The following DLEU7 variants were observed in gnomAD, a reference collection of about 807,000 sequenced individuals.
DLEU7 encodes leukemia-associated protein 7.
In DLEU7, 17 loss-of-function variants were observed where a neutral mutation model predicts 16.0. The ratio of observed to expected loss-of-function variants is 1.06; its 90% CI spans 0.73 to 1.59. The LOEUF (loss-of-function observed/expected upper bound fraction) is 1.59, where lower values mean the gene tolerates loss of function less well. Among genes scored for constraint, DLEU7 ranks in the 40% most tolerant of loss-of-function variants. The probability of loss-of-function intolerance (pLI) is 0.00; values close to 1 mark genes in which losing one functional copy is unlikely to be tolerated. For missense variants in DLEU7, 308 were observed against 314.9 expected (o/e 0.98, Z 0.17); for synonymous variants, 113 against 139.8 (o/e 0.81, Z 1.35).
At chr13:50,800,029 G>A (rs1458808525) in intron 1 of DLEU7, among the ~76,000 whole-genome samples, 5 of 152,164 alleles carry the variant, frequency 3.3e-5, no homozygotes, top group Non-Finnish European at 5.9e-5. Context: ...ATTGGCAAGG[G>A]GCATTGAAGG....
At chr13:50,768,867 T>C (rs1188363338) in intron 1 of DLEU7, among the ~76,000 whole-genome samples, 1 of 152,198 alleles carries the variant, frequency 6.6e-6, no homozygotes, top group Non-Finnish European at 1.5e-5. Context: ...CACACCATCT[T>C]CCACAATGGC....
chr13:50,798,918 T>A (rs1876173506), intron 1 of DLEU7, among the ~76,000 whole-genome samples: 1 of 152,186 alleles, frequency 6.6e-6, no homozygotes, highest in African/African-American at 2.4e-5. Flanking sequence ...AGAAAAGGCA[T>A]GCCACTGTCC....
intron 1 of DLEU7, among the ~76,000 whole-genome samples, chr13:50,816,392 T>C (rs1876735454): frequency 6.6e-6 from 1 of 152,084 alleles, no homozygotes; most frequent in South Asian, 2.1e-4. Context: ...GTCTAACAAG[T>C]ATCATGTAAA....
rs1412652442 is a variant in DLEU7 at position 50,726,435 on chromosome 13, C to T, written c.460-13195G>A. Among the ~76,000 whole-genome samples the T allele has an allele frequency of 6.6e-6, 1 of 152,210 alleles. No individual in the cohort carries two copies. Among genetic ancestry groups the T allele is most frequent in the Non-Finnish European group, 1.5e-5 (1 of 68,034 alleles). ...TCCCGCCTCCTCCTTTCACGGAACA[C>T]AGGCTTCCATTTAACCAGAAATACA... On this transcript the variant is annotated intron_variant, in intron 1 of 1. Transcript: ENST00000400393. This position sits in a 1 kb window ranked among gnomAD's most constrained non-coding sequence, Gnocchi z 4.0.
chr13:50,746,627 T>C (rs922509983), intron 1 of DLEU7, among the ~76,000 whole-genome samples: 3 of 152,222 alleles, frequency 2.0e-5, no homozygotes, highest in Non-Finnish European at 4.4e-5. Context: ...CTGCTTTCAT[T>C]GGTGCAATTG....
chr13:50,830,879 A>C (rs1389437170), intron 1 of DLEU7, among the ~76,000 whole-genome samples: 2 of 152,164 alleles, frequency 1.3e-5, no homozygotes, highest in African/African-American at 4.8e-5. Context: ...TGGACTTGCC[A>C]TCTGAATGCT....
chr13:50,808,129 T>C (rs1876448024), intron 1 of DLEU7: 1 of 152,218 alleles, frequency 6.6e-6, no homozygotes, highest in Non-Finnish European at 1.5e-5. Flanking sequence ...GTCCCAGTTC[T>C]TATATGTGCA....
intron 1 of DLEU7, among the ~76,000 whole-genome samples, chr13:50,834,862 A>C (rs550426241): frequency 6.6e-6 from 1 of 152,210 alleles, no homozygotes. Flanking sequence ...CTATGCAGCC[A>C]TAAAAAAGGA....
intron 1 of DLEU7, among the ~76,000 whole-genome samples, chr13:50,721,478 A>G (rs1299359412): frequency 6.6e-6 from 1 of 152,218 alleles, no homozygotes; most frequent in African/African-American, 2.4e-5. Flanking sequence ...AGCATTAAAA[A>G]AAAATGCAAG....
intron 1 of DLEU7, among the ~76,000 whole-genome samples, chr13:50,793,601 GTGA>G (rs1876029443): frequency 6.6e-6 from 1 of 152,228 alleles, no homozygotes; most frequent in South Asian, 2.1e-4. Context: ...CTGATGATTA[GTGA>G]TGATGACCAT....
intron 1 of DLEU7, among the ~76,000 whole-genome samples, chr13:50,834,631 T>A (rs1013439852): frequency 6.6e-6 from 1 of 152,174 alleles, no homozygotes; most frequent in Non-Finnish European, 1.5e-5. Flanking sequence ...GAAGACAGTG[T>A]GGTGATTCCT....
chr13:50,816,962 A>G (rs1445161978), intron 1 of DLEU7, among the ~76,000 whole-genome samples: 1 of 152,084 alleles, frequency 6.6e-6, no homozygotes, highest in Admixed American at 6.6e-5. Context: ...GAGCTGGAAT[A>G]CAGGTGCAGG....
intron 1 of DLEU7, among the ~76,000 whole-genome samples, chr13:50,752,286 C>T (rs535799735): frequency 4.2e-4 from 64 of 152,182 alleles, no homozygotes; most frequent in African/African-American, 1.5e-3. Flanking sequence ...CTCCTGACCT[C>T]GTGATCCACC....
chr13:50,743,542 C>T (rs995881868), intron 1 of DLEU7, among the ~76,000 whole-genome samples: 1 of 152,104 alleles, frequency 6.6e-6, no homozygotes, highest in African/African-American at 2.4e-5. Flanking sequence ...GGATACCCTA[C>T]CTTGCAGGAT....
intron 1 of DLEU7, among the ~76,000 whole-genome samples, chr13:50,803,962 T>A (rs1198564857): frequency 1.3e-5 from 2 of 152,276 alleles, no homozygotes; most frequent in South Asian, 4.1e-4. Context: ...TGGGTCCTAG[T>A]ATTTTTATAT....
At chr13:50,754,103 A>G (rs543574393) in intron 1 of DLEU7, among the ~76,000 whole-genome samples, 11 of 152,124 alleles carry the variant, frequency 7.2e-5, no homozygotes, top group Admixed American at 5.2e-4. Context: ...CATATGGTCT[A>G]TCTTAAAGAA....
Position 50,734,195 on chromosome 13 carries a change from A to G in DLEU7, c.460-20955T>C, listed in dbSNP as rs543356667. ...GAAACAAATCAAGGCAAGTCACTCT[A>G]TATCTTTTGAGAACCAAAAGTGTAT... is the stretch of plus-strand genomic sequence containing the variant. On this transcript the variant is annotated intron_variant, in intron 1 of 1. Transcript: ENST00000400393. Among the ~76,000 whole-genome samples the G allele has an allele frequency of 5.9e-5, 9 of 152,352 alleles. No individual in the cohort carries two copies. The East Asian group carries it at 9.6e-4, about 16-fold the overall frequency.
intron 1 of DLEU7, among the ~76,000 whole-genome samples, chr13:50,837,545 C>A (rs1195291583): frequency 2.0e-5 from 3 of 152,120 alleles, no homozygotes; most frequent in African/African-American, 4.8e-5. Flanking sequence ...ATCACTGCAC[C>A]TTTTTTCTAA....
At chr13:50,775,123 G>A (rs1170407326) in intron 1 of DLEU7, among the ~76,000 whole-genome samples, 4 of 151,474 alleles carry the variant, frequency 2.6e-5, no homozygotes, top group Admixed American at 2.0e-4. Context: ...ATTCTCTGGG[G>A]TATGTGTTAC....
Sources: allele counts gnomAD v4.1 joint callset (sites outside exome capture counted in the v4.1 genomes callset), GRCh38; gene constraint gnomAD v4.1.1; non-coding constraint Gnocchi (gnomAD v3.1); transcripts MANE v1.5; gene names NCBI Gene and HGNC (gene_info 2026-07-23, HGNC 2026-07-21).